GNG7: variants seen among roughly 807,000 people sequenced by gnomAD.
GNG7 encodes the protein guanine nucleotide-binding protein G(I)/G(S)/G(O) subunit gamma-7.
Under a neutral mutation model 4.0 loss-of-function variants are expected in GNG7, and 1 was observed. The observed-to-expected ratio is 0.25, with a 90% CI of 0.09 to 1.18. The LOEUF (loss-of-function observed/expected upper bound fraction) is 1.18, where lower values mean the gene tolerates loss of function less well. GNG7 is among the 50% of genes most tolerant of loss of function. GNG7 has a pLI of 0.50. For synonymous variants in GNG7, 34 were observed against 36.9 expected (o/e 0.92, Z 0.29); for missense variants, 86 against 91.9 (o/e 0.94, Z 0.26).
chr19:2,568,978 CAT>C (rs754118305), intron 2 of GNG7, among the ~76,000 whole-genome samples: 25 of 147,550 alleles, frequency 1.7e-4, no homozygotes, highest in East Asian at 1.4e-3. Flanking sequence ...TGCACAAAAA[CAT>C]ACACATACAC....
intron 3 of GNG7, among the ~76,000 whole-genome samples, chr19:2,540,432 G>A (rs114336014): frequency 2.3e-3 from 354 of 152,284 alleles, no homozygotes; most frequent in African/African-American, 8.1e-3. Flanking sequence ...GATTACAGAC[G>A]GAGCCTCCAC....
At chr19:2,700,094 A>T (rs71339126) in intron 1 of GNG7, among the ~76,000 whole-genome samples, 1 of 151,144 alleles carries the variant, frequency 6.6e-6, no homozygotes, top group Non-Finnish European at 1.5e-5. Flanking sequence ...AATAATAATA[A>T]CAATAATAAT....
In GNG7 at chr19:2,600,937, G is replaced by A. The variant is rs1235633458; in HGVS notation, c.-78+45287C>T. Among the ~76,000 whole-genome samples the A allele has an allele frequency of 2.6e-5, 4 of 152,222 alleles. No individual in the cohort carries two copies. In the East Asian group the frequency reaches 7.7e-4, roughly 29 times the overall value. ...CCAAGATGGTAATAAACCTGCTCAA[G>A]TCCTCAAAGCTGAAAAGTACGGCTG... On this transcript the variant is annotated intron_variant, in intron 2 of 4. Coordinates refer to ENST00000382159, the MANE Select transcript of GNG7 (RefSeq NM_052847.3).
chr19:2,582,920 C>T (rs1211377673), intron 2 of GNG7, among the ~76,000 whole-genome samples: 5 of 152,104 alleles, frequency 3.3e-5, no homozygotes, highest in Non-Finnish European at 5.9e-5. Context: ...CTGCCCACCT[C>T]AGCCTCCCAA....
At chr19:2,549,850 C>T (rs1202970885) in intron 3 of GNG7, among the ~76,000 whole-genome samples, 1 of 152,174 alleles carries the variant, frequency 6.6e-6, no homozygotes, top group Non-Finnish European at 1.5e-5. Context: ...ACAGTGAGTT[C>T]GTCTTGGCCT....
chr19:2,581,316 AGGGGTGATGGGGGTGGG>A (rs1309460898), intron 2 of GNG7, among the ~76,000 whole-genome samples: 1 of 3,170 alleles, frequency 3.2e-4, no homozygotes, highest in East Asian at 0.011. Context: ...GCGGGGGTGG[AGGGGTGATGGGGGTGGG>A]GGGGTGGGGG....
At chr19:2,603,670 A>G (rs1482140831) in intron 2 of GNG7, among the ~76,000 whole-genome samples, 1 of 152,222 alleles carries the variant, frequency 6.6e-6, no homozygotes, top group African/African-American at 2.4e-5. Flanking sequence ...TGCAGGCATC[A>G]GAAGCCCCTG....
intron 3 of GNG7, among the ~76,000 whole-genome samples, chr19:2,525,806 G>GCGC (rs1978372832): frequency 1.3e-5 from 2 of 151,966 alleles, no homozygotes; most frequent in African/African-American, 4.8e-5. Context: ...ATGAAAGCAA[G>GCGC]TGCTCTGCCT....
intron 2 of GNG7, among the ~76,000 whole-genome samples, chr19:2,559,733 C>CAATCTCTTGACCTCGT: frequency 6.6e-6 from 1 of 152,052 alleles, no homozygotes; most frequent in Non-Finnish European, 1.5e-5. Context: ...AGACTGGTCT[C>CAATCTCTTGACCTCGT]GATCTCTTGA....
intron 1 of GNG7, among the ~76,000 whole-genome samples, chr19:2,660,460 T>G (rs1983116582): frequency 6.6e-6 from 1 of 152,084 alleles, no homozygotes; most frequent in South Asian, 2.1e-4. Context: ...CCCTCAAAGG[T>G]ACAAGAAGAC....
intron 2 of GNG7, among the ~76,000 whole-genome samples, chr19:2,574,038 C>T (rs1232633115): frequency 1.3e-5 from 2 of 152,138 alleles, no homozygotes; most frequent in African/African-American, 4.8e-5. Context: ...ATCCCGAGAC[C>T]AGAGATGCTG....
intron 2 of GNG7, among the ~76,000 whole-genome samples, chr19:2,570,638 A>G (rs925276309): frequency 2.0e-5 from 3 of 152,174 alleles, no homozygotes; most frequent in Admixed American, 2.0e-4. Context: ...CTTGAGAGAG[A>G]CAGACAGCCC....
rs1368161214 is a variant in GNG7, at chr19:2,530,437, A to G, written c.-37-9712T>C. Among the ~76,000 whole-genome samples, 8 of 148,706 alleles carry G rather than the reference A, an allele frequency of 5.4e-5. No homozygotes were observed. In the South Asian group the frequency reaches 1.7e-3, roughly 32 times the overall value. On this transcript the variant is annotated intron_variant, in intron 3 of 4. Coordinates refer to ENST00000382159, the MANE Select transcript of GNG7 (RefSeq NM_052847.3). ...CAAAAAAAAGAAAAAAAAGCTGGAC[A>G]GGGCTGGGTGCGGTGGCTCAAGCCT...
intron 2 of GNG7, among the ~76,000 whole-genome samples, chr19:2,561,011 A>G (rs1979726746): frequency 6.6e-6 from 1 of 151,862 alleles, no homozygotes. Context: ...TTCTGCTCAC[A>G]GTAGGCATCA....
At chr19:2,656,419 T>C (rs1036727524) in intron 1 of GNG7, among the ~76,000 whole-genome samples, 1 of 152,282 alleles carries the variant, frequency 6.6e-6, no homozygotes, top group East Asian at 1.9e-4. Context: ...CTGGCCAACA[T>C]GGCGAAACCC....
intron 3 of GNG7, among the ~76,000 whole-genome samples, chr19:2,541,225 C>G (rs1318843289): frequency 1.3e-5 from 2 of 152,090 alleles, no homozygotes; most frequent in Non-Finnish European, 2.9e-5. Context: ...AATCCCAGCA[C>G]TTTGGGAGGC....
rs1318405083 is a variant in GNG7 at position 2,634,587 on chromosome 19, C to T, written c.-78+11637G>A. On this transcript the variant is annotated intron_variant, in intron 2 of 4. Coordinates refer to ENST00000382159, the MANE Select transcript of GNG7 (RefSeq NM_052847.3). The surrounding 1 kb of genome is among the most constrained non-coding windows in gnomAD (Gnocchi z 5.3). ...CGGCACAGCGCCCCGTAATTACTTG[C>T]GGGCTGCACACACGTTTTCTCTCGG... Among the ~76,000 whole-genome samples, 2 of 152,002 alleles carry T rather than the reference C, an allele frequency of 1.3e-5. No individual in the cohort carries two copies. The highest frequency in any genetic ancestry group is 4.8e-5 in the African/African-American group (2 of 41,364).
intron 3 of GNG7, among the ~76,000 whole-genome samples, chr19:2,537,192 G>A (rs1002378746): frequency 2.0e-5 from 3 of 150,888 alleles, no homozygotes; most frequent in Non-Finnish European, 3.0e-5. Flanking sequence ...CTCGTGATCC[G>A]CCCGCCTCGG....
intron 2 of GNG7, among the ~76,000 whole-genome samples, chr19:2,629,736 C>T (rs937902477): frequency 2.6e-5 from 4 of 152,170 alleles, no homozygotes; most frequent in South Asian, 2.1e-4. Flanking sequence ...GTTGTACTCC[C>T]GCCTCCCTCT....
Sources: allele counts gnomAD v4.1 joint callset (sites outside exome capture counted in the v4.1 genomes callset), GRCh38; gene constraint gnomAD v4.1.1; non-coding constraint Gnocchi (gnomAD v3.1); transcripts MANE v1.5; gene names NCBI Gene and HGNC (gene_info 2026-07-23, HGNC 2026-07-21).